The following UGT1A10 variants were observed in gnomAD, a reference collection of about 807,000 sequenced individuals.
UGT1A10 encodes the protein UDP-glucuronosyltransferase 1A10.
In UGT1A10, 49 loss-of-function variants were observed where a neutral mutation model predicts 45.8. The observed-to-expected ratio is 1.07, with a 90% CI of 0.85 to 1.36. UGT1A10 has a LOEUF of 1.36. UGT1A10 is among the 40% of genes most tolerant of loss of function. The pLI, the probability that UGT1A10 is intolerant of heterozygous loss-of-function variation, is 0.00. For synonymous variants in UGT1A10, 284 were observed against 249.7 expected (o/e 1.14, Z -1.29); for missense variants, 745 against 668.6 (o/e 1.11, Z -1.26).
chr2:233,732,680 C>A (rs899691828), intron 1 of UGT1A10, among the ~76,000 whole-genome samples: 4 of 151,836 alleles, frequency 2.6e-5, no homozygotes, highest in African/African-American at 9.7e-5. Context: ...TGTTTTGGTA[C>A]CAGCACCCAT....
chr2:233,762,588 C>T lies in UGT1A10; in HGVS notation c.856-4446C>T, dbSNP rs557401720. On this transcript the variant is annotated intron_variant, in intron 1 of 4. Coordinates refer to ENST00000344644, the MANE Select transcript of UGT1A10 (RefSeq NM_019075.4). ...TCTAGTTCCCCACAGAGGAACATTA[C>T]AATTTGTATTCCAGGAGTTTTGTTG... is the stretch of plus-strand genomic sequence containing the variant. Among the ~76,000 whole-genome samples, 47 of 152,302 alleles carry T rather than the reference C, an allele frequency of 3.1e-4. No individual in the cohort carries two copies. In the Middle Eastern group the frequency reaches 0.014, roughly 44 times the overall value.
At position 233,693,511 on chromosome 2, in the gene UGT1A10, C is replaced by T. The variant is rs144317442; in HGVS notation, c.855+56134C>T. On this transcript the variant is annotated intron_variant, in intron 1 of 4. Transcript: ENST00000344644. ...AGTATTTGGGCCTACCATCTGTGTA[C>T]CTCTTCAGGGGTTTTCCGTGTTCCC... is the stretch of plus-strand genomic sequence containing the variant. The T allele has an allele frequency of 1.7e-3, 2,823 of 1,614,136 alleles. 9 individuals are homozygous for T. The highest frequency in any genetic ancestry group is 5.6e-3 in the Admixed American group (334 of 60,012).
At chr2:233,718,817 T>C in intron 1 of UGT1A10, 1 of 1,613,436 alleles carries the variant, frequency 6.2e-7, no homozygotes, top group African/African-American at 1.3e-5. Context: ...TGGCTTCTGC[T>C]GAGATGGCCA....
At chr2:233,702,414 A>AG (rs751016813) in intron 1 of UGT1A10, among the ~76,000 whole-genome samples, 11 of 152,192 alleles carry the variant, frequency 7.2e-5, no homozygotes, top group Non-Finnish European at 1.2e-4. Flanking sequence ...AAATAGAGAT[A>AG]GCGTTACTTC....
intron 1 of UGT1A10, among the ~76,000 whole-genome samples, chr2:233,703,977 G>T (rs139887897): frequency 0.027 from 4,130 of 151,638 alleles, 94 homozygotes; most frequent in African/African-American, 0.047. Context: ...TGCAACCTCC[G>T]CCTCCTGGGT....
chr2:233,694,905 A>G (rs749639379), intron 1 of UGT1A10, among the ~76,000 whole-genome samples: 11 of 152,192 alleles, frequency 7.2e-5, no homozygotes, highest in Non-Finnish European at 1.3e-4. Context: ...ATTTTGATAC[A>G]CGTATACAAT....
intron 1 of UGT1A10, chr2:233,681,793 CA>C: frequency 6.8e-7 from 1 of 1,466,224 alleles, no homozygotes; most frequent in South Asian, 1.5e-5. Context: ...ATGAGTAAAT[CA>C]TTGGCAGTGA....
intron 1 of UGT1A10, among the ~76,000 whole-genome samples, chr2:233,749,534 G>A (rs1161512462): frequency 6.6e-6 from 1 of 151,852 alleles, no homozygotes; most frequent in Non-Finnish European, 1.5e-5. Flanking sequence ...ATTTTCGAGT[G>A]TGGTAAAGAA....
intron 1 of UGT1A10, among the ~76,000 whole-genome samples, chr2:233,686,402 T>G (rs1430528761): frequency 6.6e-6 from 1 of 152,140 alleles, no homozygotes; most frequent in African/African-American, 2.4e-5. Flanking sequence ...GGCGCCCTTA[T>G]TAAGGTGTGC....
At chr2:233,672,702 C>T in intron 1 of UGT1A10, 1 of 1,613,908 alleles carries the variant, frequency 6.2e-7, no homozygotes, top group Non-Finnish European at 8.5e-7. Flanking sequence ...TGCGAACGGA[C>T]TTTGTTTTGG....
chr2:233,768,543 A>T, intron 4 of UGT1A10, 104 bp downstream of exon 4: 1 of 1,485,090 alleles, frequency 6.7e-7, no homozygotes, highest in Non-Finnish European at 8.9e-7. Context: ...TGTTTCAAAT[A>T]TAAAAACAAA....
Position 233,769,406 on chromosome 2 carries a change from T to C in UGT1A10, c.1295+967T>C. Reference sequence around the variant, plus strand: ...AATAGATACTGTGTGCATATGTGCGTGTGCGTTTGTGCATGTGGCTGTGCT... The same window carrying C: ...AATAGATACTGTGTGCATATGTGCGCGTGCGTTTGTGCATGTGGCTGTGCT... On this transcript the variant is annotated intron_variant, in intron 4 of 4. Transcript: ENST00000344644. This position sits in a 1 kb window ranked among gnomAD's most constrained non-coding sequence, Gnocchi z 4.4. 1 of 1,252,262 alleles carries C rather than the reference T, an allele frequency of 8.0e-7. No individual in the cohort carries two copies. Among genetic ancestry groups the C allele is most frequent in the Non-Finnish European group, 1.1e-6 (1 of 876,920 alleles). The allele number at this position is 1,252,262 out of a possible 1,614,324, so 77.6% of individuals were successfully genotyped here.
chr2:233,688,620 G>A (rs2074905947), intron 1 of UGT1A10, among the ~76,000 whole-genome samples: 1 of 152,148 alleles, frequency 6.6e-6, no homozygotes, highest in South Asian at 2.1e-4. Flanking sequence ...CAGCAAACAT[G>A]AGTTCGTCTT....
chr2:233,638,293 T>A (rs28969686), intron 1 of UGT1A10, among the ~76,000 whole-genome samples: 1,737 of 152,334 alleles, frequency 0.011, 45 homozygotes, highest in African/African-American at 0.039. Context: ...TAGAAACTAT[T>A]TTGTACAGGG....
In UGT1A10 at chr2:233,659,033, G is replaced by A. The variant is rs138216088; in HGVS notation, c.855+21656G>A. Among the ~76,000 whole-genome samples, 17 of 152,330 alleles carry A rather than the reference G, an allele frequency of 1.1e-4. No individual in the cohort carries two copies. In the East Asian group the frequency reaches 2.7e-3, roughly 24 times the overall value. On this transcript the variant is annotated intron_variant, in intron 1 of 4. Coordinates refer to ENST00000344644, the MANE Select transcript of UGT1A10 (RefSeq NM_019075.4). ...ATATTTAAGTTACAGTTCAACTGGG[G>A]AGAAACAGCATCCTAACAATTTTGA...
intron 1 of UGT1A10, among the ~76,000 whole-genome samples, chr2:233,716,864 C>T (rs1229406497): frequency 2.0e-5 from 3 of 152,102 alleles, no homozygotes; most frequent in Non-Finnish European, 2.9e-5. Context: ...GCTGATGGCT[C>T]CAAGTCTATC....
At chr2:233,725,539 A>G (rs980471563) in intron 1 of UGT1A10, among the ~76,000 whole-genome samples, 6 of 152,146 alleles carry the variant, frequency 3.9e-5, no homozygotes, top group African/African-American at 1.4e-4. Context: ...CAGACATATC[A>G]CAAATATTAT....
At chr2:233,674,143 T>A (rs1453061826) in intron 1 of UGT1A10, among the ~76,000 whole-genome samples, 1 of 152,196 alleles carries the variant, frequency 6.6e-6, no homozygotes, top group Non-Finnish European at 1.5e-5. Context: ...CTTACAAGGT[T>A]CAGTAGACTT....
At chr2:233,693,244 G>C (rs768201260) in intron 1 of UGT1A10, 2 of 1,614,170 alleles carry the variant, frequency 1.2e-6, no homozygotes, top group Non-Finnish European at 8.5e-7. Context: ...TCTATCCAGT[G>C]CCGTATGACC....
Sources: allele counts gnomAD v4.1 joint callset (sites outside exome capture counted in the v4.1 genomes callset), GRCh38; gene constraint gnomAD v4.1.1; non-coding constraint Gnocchi (gnomAD v3.1); transcripts MANE v1.5; gene names NCBI Gene and HGNC (gene_info 2026-07-23, HGNC 2026-07-21).